IFI27: variants seen among roughly 807,000 people sequenced by gnomAD.
The protein encoded by IFI27 is interferon alpha-inducible protein 27, mitochondrial.
A neutral mutation model predicts 8.9 loss-of-function variants in IFI27; 3 were observed. The ratio of observed to expected loss-of-function variants is 0.34; its 90% CI spans 0.15 to 0.87. IFI27 has a LOEUF of 0.87. IFI27 is among the 40% of genes least tolerant of loss of function. IFI27 has a pLI of 0.51. For missense variants in IFI27, 152 were observed against 157.7 expected (o/e 0.96, Z 0.19); for synonymous variants, 66 against 67.3 (o/e 0.98, Z 0.09).
Position 94,116,396 on chromosome 14 carries a change from C to A in IFI27, c.284-46C>A, listed in dbSNP as rs1321453905. ...CCCCACAGTCCTGCCCACAGAGCTTCCCCGACAGGCATGTCCCACTCTGTC... is the reference window on the plus strand; with the variant it reads ...CCCCACAGTCCTGCCCACAGAGCTTACCCGACAGGCATGTCCCACTCTGTC... On this transcript the variant is annotated intron_variant, in intron 4 of 4. Coordinates refer to ENST00000621160, the Ensembl canonical transcript of IFI27. The surrounding 1 kb of genome is among the most constrained non-coding windows in gnomAD (Gnocchi z 4.3). 2.2e-6 allele frequency: 3 copies of A among 1,389,390 alleles called. No homozygotes were observed. The South Asian group carries it at 3.6e-5, about 17-fold the overall frequency. 86.1% of individuals were successfully genotyped at this position (1,389,390 alleles called of 1,614,324 possible).
Position 94,116,493 on chromosome 14 carries a change from C to T in IFI27, c.335C>T (p.Ser112Phe), listed in dbSNP as rs1292509968. Reference sequence around the variant, plus strand: ...AAGTTCATCCTGGGCTCCATTGGGTCTGCCATTGCGGCTGTCATTGCGAGG... The same window carrying T: ...AAGTTCATCCTGGGCTCCATTGGGTTTGCCATTGCGGCTGTCATTGCGAGG... The change falls in exon 5 of 5, where the codon TCT becomes TTT. Residue 112 changes from serine to phenylalanine, a missense_variant. Ser to Phe is a radical substitution (Grantham distance 155). Transcript: ENST00000621160. The surrounding 1 kb of genome is among the most constrained non-coding windows in gnomAD (Gnocchi z 4.3). 1 of 1,613,574 alleles carries T rather than the reference C, an allele frequency of 6.2e-7. No homozygotes were observed. The highest frequency in any genetic ancestry group is 8.5e-7 in the Non-Finnish European group (1 of 1,179,792).
chr14:94,114,712 A>G (rs1887321421), intron 2 of IFI27, 139 bp from the exon 3 acceptor site: 1 of 767,722 alleles, frequency 1.3e-6, no homozygotes, highest in African/African-American at 1.7e-5. Context: ...TGAAGCAAAG[A>G]GCGGTAGACA....
Position 94,115,191 on chromosome 14 carries a change from T to C in IFI27, c.121+311T>C, listed in dbSNP as rs561613476. 72 of 651,994 alleles carry C rather than the reference T, an allele frequency of 1.1e-4. 1 individual carries two copies. The highest frequency in any genetic ancestry group is 1.1e-3 in the South Asian group (72 of 65,256). The allele number at this position is 651,994 out of a possible 1,614,324, so 40.4% of individuals were successfully genotyped here. On this transcript the variant is annotated intron_variant, in intron 3 of 4. Transcript: ENST00000621160. ...CTTTGAACTCCTCTGAGCTCCTGTT[T>C]CCTCTCCAGAGAAAAGGCTGGTAAT...
In IFI27 at chr14:94,114,836, T is replaced by A; in HGVS notation, c.92-15T>A. 6.2e-7 allele frequency: 1 copy of A among 1,613,560 alleles called. No homozygotes were observed. The highest frequency in any genetic ancestry group is 8.5e-7 in the Non-Finnish European group (1 of 1,179,778). On this transcript the variant is annotated splice_polypyrimidine_tract_variant and intron_variant, in intron 2 of 4. Transcript: ENST00000621160. Reference sequence around the variant, plus strand: ...CAGTGTGGATCTACTCACAGAATGTTCTTTTGGTTTCCAGCCAGGATTGCT... The same window carrying A: ...CAGTGTGGATCTACTCACAGAATGTACTTTTGGTTTCCAGCCAGGATTGCT...
At chr14:94,107,162 C>A (rs1055946740), upstream of IFI27, among the ~76,000 whole-genome samples, 1 of 152,044 alleles carries the variant, frequency 6.6e-6, no homozygotes, top group Non-Finnish European at 1.5e-5. Flanking sequence ...CTCTGCCTCC[C>A]GGGTTCAAGC....
rs908727421 is a variant in IFI27, at chr14:94,111,279, G to A, written c.-58-346G>A. Among the ~76,000 whole-genome samples, 4 of 152,150 alleles carry A rather than the reference G, an allele frequency of 2.6e-5. No individual in the cohort carries two copies. The highest frequency in any genetic ancestry group is 7.2e-5 in the African/African-American group (3 of 41,424). ...CCTGCTGTATATGCCTTAAAAATGC[G>A]ATTGGTTCTGATTTCTTAGTTTTGG... is the stretch of plus-strand genomic sequence containing the variant. On this transcript the variant is annotated intron_variant, in intron 1 of 4. Coordinates refer to ENST00000621160, the Ensembl canonical transcript of IFI27. The surrounding 1 kb of genome is among the most constrained non-coding windows in gnomAD (Gnocchi z 4.3).
exon 4 of IFI27, chr14:94,115,802 C>G: frequency 6.2e-7 from 1 of 1,607,068 alleles, no homozygotes. Flanking sequence ...GCGGCTGTGC[C>G]CATGGTGCTC....
upstream of IFI27, among the ~76,000 whole-genome samples, chr14:94,108,672 C>A (rs1018487890): frequency 6.6e-6 from 1 of 151,944 alleles, no homozygotes; most frequent in Non-Finnish European, 1.5e-5. Flanking sequence ...CCTGCTGGAC[C>A]CCTGAATAGG....
chr14:94,116,653 T>A lies in IFI27; in HGVS notation c.*126T>A. 1 of 678,720 alleles carries A rather than the reference T, an allele frequency of 1.5e-6. No homozygotes were observed. The highest frequency in any genetic ancestry group is 2.7e-5 in the East Asian group (1 of 36,770). 42.0% of individuals were successfully genotyped at this position (678,720 alleles called of 1,614,324 possible). On this transcript the variant is annotated 3_prime_UTR_variant, in exon 5 of 5. Transcript: ENST00000621160. This position sits in a 1 kb window ranked among gnomAD's most constrained non-coding sequence, Gnocchi z 4.3. ...GGTGAAATATACCAAATTCTGCATCTCCAGAGGAAAATAAGAAATAAAGAT... is the reference window on the plus strand; with the variant it reads ...GGTGAAATATACCAAATTCTGCATCACCAGAGGAAAATAAGAAATAAAGAT...
In IFI27 at chr14:94,116,038, C is replaced by A; in HGVS notation, c.283+96C>A. On this transcript the variant is annotated intron_variant, in intron 4 of 4. Transcript: ENST00000621160. The surrounding 1 kb of genome is among the most constrained non-coding windows in gnomAD (Gnocchi z 4.3). ...ATCTCAACCCTATGAACCTCAATCT[C>A]CCTGTTCCTCTGTCTCTCTCTACAC... The A allele has an allele frequency of 1.7e-6, 2 of 1,190,810 alleles. No individual in the cohort carries two copies. Among genetic ancestry groups the A allele is most frequent in the Non-Finnish European group, 1.2e-6 (1 of 827,398 alleles). The allele number at this position is 1,190,810 out of a possible 1,614,324, so 73.8% of individuals were successfully genotyped here.
chr14:94,107,163 G>A (rs768489047), upstream of IFI27, among the ~76,000 whole-genome samples: 6 of 151,926 alleles, frequency 3.9e-5, no homozygotes, highest in South Asian at 2.1e-4. Flanking sequence ...TCTGCCTCCC[G>A]GGTTCAAGCA....
At chr14:94,115,607 T>C (rs1887359102) in intron 3 of IFI27, 174 bp from the exon 4 acceptor site, 7 of 662,640 alleles carry the variant, frequency 1.1e-5, no homozygotes, top group Admixed American at 8.7e-5. Context: ...CCCTCTACTT[T>C]CCCCGCCTGG....
At chr14:94,115,722 G>A in intron 3 of IFI27, 59 bp from the exon 4 acceptor site, 2 of 1,539,978 alleles carry the variant, frequency 1.3e-6, no homozygotes, top group Non-Finnish European at 1.7e-6. Context: ...GCCTGACTCA[G>A]TGTATCTGGG....
At position 94,115,038 on chromosome 14, in the gene IFI27, C is replaced by T. The variant is rs138484378; in HGVS notation, c.121+158C>T. ...AGTATGAACCAAGGAGCTAGAAATA[C>T]AGCACTGGAAGCTGGAAGCAGGGGG... On this transcript the variant is annotated intron_variant, in intron 3 of 4. Coordinates refer to ENST00000621160, the Ensembl canonical transcript of IFI27. The T allele has an allele frequency of 5.5e-3, 3,909 of 708,700 alleles. 19 individuals are homozygous for T. The highest frequency in any genetic ancestry group is 7.4e-3 in the Non-Finnish European group (2,943 of 399,472). 43.9% of individuals were successfully genotyped at this position (708,700 alleles called of 1,614,324 possible). A position where few individuals can be genotyped will look rare whatever the true frequency, so the allele number is the denominator to read the frequency against.
At chr14:94,112,356 G>T (rs553624340) in intron 2 of IFI27, among the ~76,000 whole-genome samples, 132 of 152,168 alleles carry the variant, frequency 8.7e-4, no homozygotes, top group Middle Eastern at 3.4e-3. Context: ...ATTGTGTTTT[G>T]TTTGCGGGCA....
upstream of IFI27, among the ~76,000 whole-genome samples, chr14:94,106,853 C>T (rs1379948302): frequency 4.6e-5 from 7 of 151,996 alleles, no homozygotes; most frequent in Non-Finnish European, 1.0e-4. Context: ...TCAGATCTTG[C>T]GGGAACTAAT....
At position 94,111,928 on chromosome 14, in the gene IFI27, C is replaced by T. The variant is rs1887207488; in HGVS notation, c.91+155C>T. On this transcript the variant is annotated intron_variant, in intron 2 of 4. Transcript: ENST00000621160. This position sits in a 1 kb window ranked among gnomAD's most constrained non-coding sequence, Gnocchi z 4.3. ...CACAGCAGGCGTCCACCCTAACTTTCCATCTGGGAGGGGGCCCGGGGCAGG... is the reference window on the plus strand; with the variant it reads ...CACAGCAGGCGTCCACCCTAACTTTTCATCTGGGAGGGGGCCCGGGGCAGG... 3 of 684,644 alleles carry T rather than the reference C, an allele frequency of 4.4e-6. No homozygotes were observed. 42.4% of individuals were successfully genotyped at this position (684,644 alleles called of 1,614,324 possible). A position where few individuals can be genotyped will look rare whatever the true frequency, so the allele number is the denominator to read the frequency against.
At chr14:94,112,064 C>G in intron 2 of IFI27, 1 of 513,072 alleles carries the variant, frequency 1.9e-6, no homozygotes, top group Non-Finnish European at 3.5e-6. Context: ...GAGTCCCACT[C>G]TCTTCAGCTC....
chr14:94,107,888 C>T (rs72702321), upstream of IFI27, among the ~76,000 whole-genome samples: 11,116 of 152,110 alleles, frequency 0.073, 1,013 homozygotes, highest in East Asian at 0.47. Flanking sequence ...ATGTGCACAA[C>T]GTGCAGGTTT....
Sources: allele counts gnomAD v4.1 joint callset (sites outside exome capture counted in the v4.1 genomes callset), GRCh38; gene constraint gnomAD v4.1.1; non-coding constraint Gnocchi (gnomAD v3.1); transcripts MANE v1.5; gene names NCBI Gene and HGNC (gene_info 2026-07-23, HGNC 2026-07-21).